Variants in HERC4 observed in about 807,000 individuals in gnomAD.
HERC4 encodes HECT and RLD domain containing E3 ubiquitin protein ligase 4.
A neutral mutation model predicts 124.3 loss-of-function variants in HERC4; 28 were observed. The observed-to-expected ratio is 0.23, with a 90% CI of 0.17 to 0.31. The LOEUF (loss-of-function observed/expected upper bound fraction) is 0.31. Ranked by LOEUF, HERC4 falls within the 10% of genes least tolerant of loss-of-function variation. The pLI is 1.00. For missense variants in HERC4, 713 were observed against 1,229.3 expected (o/e 0.58, Z 6.28); for synonymous variants, 407 against 421.5 (o/e 0.97, Z 0.42).
chr10:67,944,474 T>C (rs1173415001), intron 19 of HERC4, among the ~76,000 whole-genome samples: 1 of 152,178 alleles, frequency 6.6e-6, no homozygotes, highest in African/African-American at 2.4e-5. Flanking sequence ...AAGGCCTTCC[T>C]AAGAAGGATG....
intron 3 of HERC4, chr10:68,069,748 T>C (rs570161626): frequency 3.6e-5 from 35 of 985,394 alleles, no homozygotes; most frequent in Admixed American, 1.2e-4. Context: ...AAGTTTAAAG[T>C]TCTTGTGAAG....
chr10:67,971,604 G>A (rs774896473), intron 15 of HERC4, among the ~76,000 whole-genome samples: 9 of 152,072 alleles, frequency 5.9e-5, no homozygotes, highest in African/African-American at 1.7e-4. Flanking sequence ...AACACTCTCA[G>A]CAAATGAGAA....
At chr10:67,958,997 C>T in intron 16 of HERC4, 1 of 650,110 alleles carries the variant, frequency 1.5e-6, no homozygotes, top group Non-Finnish European at 2.6e-6. Flanking sequence ...ACATATATAT[C>T]TATTTATTTA....
chr10:67,988,668 G>A lies in HERC4; in HGVS notation c.1801C>T (p.His601Tyr). The change falls in exon 15 of 25, where the codon CAT becomes TAT. Residue 601 changes from histidine to tyrosine, a missense_variant. Transcript: ENST00000373700. The stretch of plus-strand genomic sequence containing the variant: ...AAAGGAATGATTGGACATACCCTAT[G>A]TAGTATTTCTAAAACCTTTAATGCA... ...HTALKVLEIL[H>Y]RVNEKMGQII... 6.4e-7 allele frequency: 1 copy of A among 1,557,276 alleles called. No individual in the cohort carries two copies. Among genetic ancestry groups the A allele is most frequent in the Non-Finnish European group, 8.7e-7 (1 of 1,145,652 alleles).
chr10:68,070,699 C>T (rs955401119), intron 3 of HERC4: 5 of 152,060 alleles, frequency 3.3e-5, no homozygotes, highest in Admixed American at 2.0e-4. Flanking sequence ...GCAACTACTA[C>T]TTTTTGAACT....
At chr10:68,038,052 T>C in intron 5 of HERC4, 41 bp downstream of exon 5, 1 of 1,099,130 alleles carries the variant, frequency 9.1e-7, no homozygotes, top group South Asian at 1.4e-5. Flanking sequence ...AAGTATCAAG[T>C]AATAAAACTG....
intron 3 of HERC4, among the ~76,000 whole-genome samples, chr10:68,055,430 CAAGATT>C (rs2040501382): frequency 1.3e-5 from 2 of 152,088 alleles, no homozygotes; most frequent in Admixed American, 1.3e-4. Flanking sequence ...AAACATCTAA[CAAGATT>C]AAGAAATTAT....
chr10:68,065,515 A>G (rs1487916299), intron 3 of HERC4, among the ~76,000 whole-genome samples: 1 of 152,158 alleles, frequency 6.6e-6, no homozygotes, highest in Non-Finnish European at 1.5e-5. Context: ...AGGCAAATAA[A>G]ACTTATGGTT....
At chr10:68,010,451 C>G (rs1049256156) in intron 9 of HERC4, 1 of 940,172 alleles carries the variant, frequency 1.1e-6, no homozygotes, top group African/African-American at 1.6e-5. Flanking sequence ...CCTTCTGGCG[C>G]CAATTACAGA....
chr10:68,029,500 A>G (rs1224808700), intron 7 of HERC4, among the ~76,000 whole-genome samples: 1 of 151,936 alleles, frequency 6.6e-6, no homozygotes, highest in African/African-American at 2.4e-5. Context: ...TCAAAAAAAA[A>G]AGAAAAAGAA....
At chr10:67,995,676 A>G (rs2036831392) in intron 9 of HERC4, among the ~76,000 whole-genome samples, 1 of 151,538 alleles carries the variant, frequency 6.6e-6, no homozygotes. Flanking sequence ...CTTAATTTTG[A>G]CTCACAGAAC....
At chr10:67,992,585 T>C in intron 10 of HERC4, 21 bp downstream of exon 10, 1 of 1,337,976 alleles carries the variant, frequency 7.5e-7, no homozygotes, top group Non-Finnish European at 1.0e-6. Context: ...TATTTAATTA[T>C]TTACATGACT....
At chr10:68,047,774 TG>T (rs1291310688) in intron 3 of HERC4, among the ~76,000 whole-genome samples, 1 of 152,186 alleles carries the variant, frequency 6.6e-6, no homozygotes, top group Non-Finnish European at 1.5e-5. Flanking sequence ...TCTCCTTCAC[TG>T]CTGGTGGGAA....
chr10:68,056,738 C>T (rs2040568695), intron 3 of HERC4, among the ~76,000 whole-genome samples: 1 of 148,122 alleles, frequency 6.8e-6, no homozygotes, highest in Admixed American at 6.7e-5. Context: ...CAGTAATAGT[C>T]CAGAATGAAA....
At chr10:67,942,187 C>T (rs1027490265) in intron 19 of HERC4, among the ~76,000 whole-genome samples, 1 of 152,140 alleles carries the variant, frequency 6.6e-6, no homozygotes, top group Non-Finnish European at 1.5e-5. Context: ...TGGGCTCCAG[C>T]CTGGTTTAGC....
chr10:67,992,121 T>G lies in HERC4; in HGVS notation c.1271+78A>C, dbSNP rs1183158458. 4.3e-6 allele frequency: 6 copies of G among 1,408,796 alleles called. No individual in the cohort carries two copies. The African/African-American group carries it at 8.5e-5, about 20-fold the overall frequency. The allele number at this position is 1,408,796 out of a possible 1,614,324, so 87.3% of individuals were successfully genotyped here. A position where few individuals can be genotyped will look rare whatever the true frequency, so the allele number is the denominator to read the frequency against. ...CATGTTGCCCAGGCTGGTCTCCAAT[T>G]CCTGGGCTCAGGCAATCTGCCTGGT... is the stretch of plus-strand genomic sequence containing the variant. On this transcript the variant is annotated intron_variant, in intron 11 of 24. Coordinates refer to ENST00000373700, the MANE Select transcript of HERC4 (RefSeq NM_015601.4).
chr10:68,005,830 T>C (rs2037511551), intron 9 of HERC4, among the ~76,000 whole-genome samples: 1 of 152,088 alleles, frequency 6.6e-6, no homozygotes, highest in Non-Finnish European at 1.5e-5. Flanking sequence ...GCCTCCCAAA[T>C]AACTGGGACT....
Position 68,072,948 on chromosome 10 carries a change from G to A in HERC4, c.161C>T (p.Thr54Ile). 1 of 1,613,972 alleles carries A rather than the reference G, an allele frequency of 6.2e-7. No homozygotes were observed. Among genetic ancestry groups the A allele is most frequent in the South Asian group, 1.1e-5 (1 of 91,084 alleles). The change falls in exon 3 of 25, where the codon ACA (threonine) becomes ATA (isoleucine). Residue 54 changes from threonine (T) to isoleucine (I), a missense_variant. Physicochemically the swap from Thr to Ile is moderately conservative, Grantham distance 89 (BLOSUM62 -1). Transcript: ENST00000373700. ...RHTVFVLDDG[T>I]VYTCGCNDLG... ...ATCATTACATCCACATGTGTACACT[G>A]TTCCATCATCCAGAACAAACACAGT...
At chr10:68,070,120 T>A in intron 3 of HERC4, 2 of 985,120 alleles carry the variant, frequency 2.0e-6, no homozygotes. Flanking sequence ...CCCAGAAATA[T>A]AACCAACTTG....
Sources: allele counts gnomAD v4.1 joint callset (sites outside exome capture counted in the v4.1 genomes callset), GRCh38; gene constraint gnomAD v4.1.1; transcripts MANE v1.5; gene names NCBI Gene and HGNC (gene_info 2026-07-23, HGNC 2026-07-21).